Variants in MAP3K13 observed in about 807,000 individuals in gnomAD.
MAP3K13 encodes mitogen-activated protein kinase kinase kinase 13.
A neutral mutation model predicts 104.0 loss-of-function variants in MAP3K13; 52 were observed. The observed-to-expected ratio is 0.50, with a 90% CI of 0.40 to 0.63. The LOEUF (loss-of-function observed/expected upper bound fraction) is 0.63. MAP3K13 is among the 20% of genes least tolerant of loss of function. MAP3K13 has a pLI of 0.00. For synonymous variants in MAP3K13, 394 were observed against 442.2 expected (o/e 0.89, Z 1.37); for missense variants, 914 against 1,218.5 (o/e 0.75, Z 3.72).
At chr3:185,332,290 G>A (rs1722316619) in intron 2 of MAP3K13, among the ~76,000 whole-genome samples, 1 of 151,944 alleles carries the variant, frequency 6.6e-6, no homozygotes, top group African/African-American at 2.4e-5. Context: ...CAGACTTTTG[G>A]ATTTTTGCCA....
intron 2 of MAP3K13, among the ~76,000 whole-genome samples, chr3:185,330,046 ATTTTTTTTT>A (rs548813356): frequency 1.6e-4 from 16 of 98,274 alleles, no homozygotes; most frequent in Admixed American, 9.7e-4. Context: ...TGCCTGGCTA[ATTTTTTTTT>A]TTTTTTTTTT....
intron 4 of MAP3K13, among the ~76,000 whole-genome samples, chr3:185,445,467 T>G (rs1715542839): frequency 1.3e-5 from 2 of 152,174 alleles, no homozygotes; most frequent in Admixed American, 1.3e-4. Flanking sequence ...CCTGTTGCTT[T>G]TGCCATCCAG....
At chr3:185,327,212 A>C (rs1239460993) in intron 2 of MAP3K13, among the ~76,000 whole-genome samples, 3 of 152,148 alleles carry the variant, frequency 2.0e-5, no homozygotes, top group Non-Finnish European at 4.4e-5. Flanking sequence ...AGAGCTAGTC[A>C]AGTCCTCCTA....
At position 185,357,095 on chromosome 3, in the gene MAP3K13, GAAGTT is replaced by G. The variant is rs759702133; in HGVS notation, c.-85-71401_-85-71397del. Among the ~76,000 whole-genome samples the G allele has an allele frequency of 4.0e-5, 6 of 149,958 alleles. No individual in the cohort carries two copies. The East Asian group carries it at 9.7e-4, about 24-fold the overall frequency. On this transcript the variant is annotated intron_variant, in intron 2 of 14. Transcript: ENST00000424227. ...CAAAGAATAGAAGTTAGAGAGTTAA[GAAGTT>G]TTTTTTTTTTCTCTCTCTCTCTCTC... is the stretch of plus-strand genomic sequence containing the variant.
At position 185,454,324 on chromosome 3, in the gene MAP3K13, G is replaced by C. The variant is rs1266163778; in HGVS notation, c.1278+2929G>C. ...TATCATATATATATGAGATATATAT[G>C]AGATATATATGATATATATGAGATA... On this transcript the variant is annotated intron_variant, in intron 7 of 13. Coordinates refer to ENST00000265026, the MANE Select transcript of MAP3K13 (RefSeq NM_004721.5). 4.3e-5 allele frequency among the ~76,000 whole-genome samples: 4 copies of C among 93,602 alleles called. 1 individual carries two copies. Among genetic ancestry groups the C allele is most frequent in the African/African-American group, 1.9e-4 (4 of 21,096 alleles). The allele number at this position is 93,602 out of a possible 152,430, so 61.4% of individuals were successfully genotyped here. A position where few individuals can be genotyped will look rare whatever the true frequency, so the allele number is the denominator to read the frequency against.
chr3:185,331,817 T>C (rs559150545), intron 2 of MAP3K13, among the ~76,000 whole-genome samples: 1 of 152,352 alleles, frequency 6.6e-6, no homozygotes, highest in Non-Finnish European at 1.5e-5. Context: ...CCAGAGTTTC[T>C]TGATATATGT....
chr3:185,453,140 C>G (rs577643424), intron 7 of MAP3K13, among the ~76,000 whole-genome samples: 1 of 151,992 alleles, frequency 6.6e-6, no homozygotes, highest in Non-Finnish European at 1.5e-5. Flanking sequence ...CCTTCCAGAC[C>G]CAGGCAATAT....
chr3:185,427,342 T>G (rs1294503517), intron 1 of MAP3K13, among the ~76,000 whole-genome samples: 1 of 151,848 alleles, frequency 6.6e-6, no homozygotes, highest in Non-Finnish European at 1.5e-5. Flanking sequence ...CCAGTCTAGG[T>G]GACAGAGCGA....
In MAP3K13 at chr3:185,484,189, G is replaced by A. The variant is rs1718615242; in HGVS notation, c.*1733G>A. The A allele has an allele frequency of 6.6e-6, 1 of 152,154 alleles. No homozygotes were observed. Among genetic ancestry groups the A allele is most frequent in the African/African-American group, 2.4e-5 (1 of 41,434 alleles). 9.4% of individuals were successfully genotyped at this position (152,154 alleles called of 1,614,324 possible). ...TAAATAACTGGATTTGAACATTTGT[G>A]GAAAGAACAAGGGATGCTGAGCAGG... On this transcript the variant is annotated 3_prime_UTR_variant, in exon 14 of 14. Transcript: ENST00000265026.
chr3:185,418,307 C>G lies in MAP3K13; in HGVS notation c.-85-10190C>G. The G allele has an allele frequency of 1.9e-6, 3 of 1,583,486 alleles. No individual in the cohort carries two copies. The highest frequency in any genetic ancestry group is 2.6e-6 in the Non-Finnish European group (3 of 1,153,948). On this transcript the variant is annotated intron_variant, in intron 1 of 13. Coordinates refer to ENST00000265026, the MANE Select transcript of MAP3K13 (RefSeq NM_004721.5). The surrounding 1 kb of genome is among the most constrained non-coding windows in gnomAD (Gnocchi z 4.5). ...TCCTTGGTCTTCTTGTAGCCTTCAA[C>G]TTTATCTTCAAATACCAAAGGAAGT...
intron 1 of MAP3K13, among the ~76,000 whole-genome samples, chr3:185,398,083 G>A (rs1422153862): frequency 6.6e-6 from 1 of 152,122 alleles, no homozygotes; most frequent in African/African-American, 2.4e-5. Context: ...GATGAGAGAA[G>A]CCTACAGACT....
intron 10 of MAP3K13, among the ~76,000 whole-genome samples, chr3:185,470,676 C>T (rs982563583): frequency 6.6e-6 from 1 of 152,144 alleles, no homozygotes; most frequent in South Asian, 2.1e-4. Context: ...TAACAGAAAT[C>T]CTCTGTAAGT....
chr3:185,338,669 C>G (rs998461298), intron 2 of MAP3K13, among the ~76,000 whole-genome samples: 6 of 152,078 alleles, frequency 3.9e-5, no homozygotes, highest in African/African-American at 1.4e-4. Context: ...TTTTTTATTT[C>G]TAGCATTTCT....
intron 2 of MAP3K13, among the ~76,000 whole-genome samples, chr3:185,337,723 CTT>C (rs1336599409): frequency 2.0e-5 from 3 of 149,278 alleles, no homozygotes; most frequent in East Asian, 2.0e-4. Context: ...CAACCTGATT[CTT>C]TATTATTTAT....
intron 1 of MAP3K13, among the ~76,000 whole-genome samples, chr3:185,367,262 AG>A (rs1723933215): frequency 6.6e-6 from 1 of 152,140 alleles, no homozygotes; most frequent in Non-Finnish European, 1.5e-5. Flanking sequence ...CCACCTCCAG[AG>A]ATTTATATTT....
rs1222562569 is a variant in MAP3K13, at chr3:185,454,966, GAT to G, written c.1278+3580_1278+3581del. Among the ~76,000 whole-genome samples, 105 of 55,868 alleles carry G rather than the reference GAT, an allele frequency of 1.9e-3. 4 individuals are homozygous for G. Among genetic ancestry groups the G allele is most frequent in the Middle Eastern group, 0.02 (1 of 50 alleles). 36.7% of individuals were successfully genotyped at this position (55,868 alleles called of 152,430 possible). On this transcript the variant is annotated intron_variant, in intron 7 of 13. Coordinates refer to ENST00000265026, the MANE Select transcript of MAP3K13 (RefSeq NM_004721.5). ...TGAGATATATATGATATATATATGAGATATATATATGATATATATGAGATATA... is the reference window on the plus strand; with the variant it reads ...TGAGATATATATGATATATATATGAGATATATATGATATATATGAGATATA...
chr3:185,361,395 G>GTT (rs796827465), upstream of MAP3K13, among the ~76,000 whole-genome samples: 5 of 141,502 alleles, frequency 3.5e-5, no homozygotes, highest in African/African-American at 1.3e-4. Flanking sequence ...TTCGTTTTTT[G>GTT]TTTTTTTTTT....
At chr3:185,437,268 C>T (rs1195832806) in intron 2 of MAP3K13, among the ~76,000 whole-genome samples, 179 bp from the exon 3 acceptor site, 2 of 152,028 alleles carry the variant, frequency 1.3e-5, no homozygotes, top group Non-Finnish European at 2.9e-5. Context: ...TTGATACAAA[C>T]TAATGTTTAT....
At position 185,291,842 on chromosome 3, in the gene MAP3K13, C is replaced by T. The variant is rs532977968; in HGVS notation, c.-86+6199C>T. The T allele has an allele frequency of 4.8e-4, 606 of 1,268,506 alleles. 1 individual carries two copies. Among genetic ancestry groups the T allele is most frequent in the Middle Eastern group, 4.0e-3 (13 of 3,252 alleles). 78.6% of individuals were successfully genotyped at this position (1,268,506 alleles called of 1,614,324 possible). ...CTGACTTCTCTTCAATTTCCTTGGC[C>T]TCTAGGGTCCTTCATATTGCTTACG... On this transcript the variant is annotated intron_variant, in intron 2 of 14. Coordinates refer to the MAP3K13 transcript ENST00000424227.
Sources: gnomAD v4.1 joint callset for allele counts (sites outside exome capture counted in the v4.1 genomes callset) on GRCh38, gnomAD v4.1.1 for gene constraint, Gnocchi (gnomAD v3.1) non-coding constraint, MANE v1.5 for transcripts, NCBI Gene and HGNC (gene_info 2026-07-23, HGNC 2026-07-21) for gene names.